The following KIT variants were observed in gnomAD, a reference collection of about 807,000 sequenced individuals.
KIT encodes the protein KIT proto-oncogene, receptor tyrosine kinase.
In KIT, 16 loss-of-function variants were observed where a neutral mutation model predicts 105.7. The observed-to-expected ratio is 0.15, with a 90% CI of 0.10 to 0.23. The LOEUF is 0.23. Ranked by LOEUF, KIT falls within the 10% of genes least tolerant of loss-of-function variation. The pLI is 1.00. For missense variants in KIT, 858 were observed against 1,213.8 expected (o/e 0.71, Z 4.36); for synonymous variants, 438 against 441.1 (o/e 0.99, Z 0.09).
chr4:54,728,171 A>C (rs1466070878), intron 13 of KIT, 50 bp downstream of exon 13: 3 of 1,316,960 alleles, frequency 2.3e-6, no homozygotes, highest in Non-Finnish European at 3.3e-6. Context: ...TTATCAAAAC[A>C]TGACATTTTA....
In KIT at chr4:54,698,580, T is replaced by C; in HGVS notation, c.619+15T>C. 6.2e-7 allele frequency: 1 copy of C among 1,613,782 alleles called. No individual in the cohort carries two copies. ...AGTGAGGCCAGGTACTGGCTCTTTC[T>C]TATCTGCCTCTGGGAGTTGAGAACT... is the stretch of plus-strand genomic sequence containing the variant. On this transcript the variant is annotated intron_variant, in intron 3 of 20. Transcript: ENST00000288135.
chr4:54,727,382 A>G, intron 10 of KIT, 34 bp from the exon 11 acceptor site: 1 of 1,614,070 alleles, frequency 6.2e-7, no homozygotes, highest in Non-Finnish European at 8.5e-7. Context: ...AATAATTATT[A>G]AAAGGTGATC....
chr4:54,677,952 G>A (rs1333535630), intron 1 of KIT, among the ~76,000 whole-genome samples: 1 of 152,188 alleles, frequency 6.6e-6, no homozygotes, highest in Non-Finnish European at 1.5e-5. Context: ...TGGGAATGTT[G>A]CTTTTGATAG....
At chr4:54,684,632 C>T (rs181769568) in intron 1 of KIT, among the ~76,000 whole-genome samples, 5 of 152,266 alleles carry the variant, frequency 3.3e-5, no homozygotes, top group Admixed American at 3.3e-4. Context: ...GAGGGTCCTC[C>T]CTCCACCTCC....
rs4864921 is a variant in KIT at position 54,732,993 on chromosome 4, G to A, written c.2362-77G>A. On this transcript the variant is annotated intron_variant, in intron 16 of 20. Transcript: ENST00000288135. ...TTTTTATAATATAAGCAACACTATA[G>A]TATTAAAAAGTTAGTTTTCACTCTT... is the stretch of plus-strand genomic sequence containing the variant. 277,209 of 1,197,108 alleles carry A rather than the reference G, an allele frequency of 0.23. 37,645 individuals carry two copies. The highest frequency in any genetic ancestry group is 0.58 in the African/African-American group (38,203 of 66,120). The allele number at this position is 1,197,108 out of a possible 1,614,324, so 74.2% of individuals were successfully genotyped here.
In KIT at chr4:54,698,286, C is replaced by A. The variant is rs772836939; in HGVS notation, c.340C>A (p.Pro114Thr). ...SNSIYVFVRD[P>T]AKLFLVDRSL... is the part of the protein sequence containing the mutation. ...TGATTTTGGATATGCTTCTATAGAT[C>A]CTGCCAAGCTTTTCCTTGTTGACCG... is the stretch of plus-strand genomic sequence containing the variant. The change falls in exon 3 of 21, where the codon CCT (proline) becomes ACT (threonine). Residue 114 changes from proline (P) to threonine (T), a missense_variant and splice_region_variant. Physicochemically the swap from Pro to Thr is conservative, Grantham distance 38. Transcript: ENST00000288135. 1.9e-6 allele frequency: 3 copies of A among 1,613,590 alleles called. No homozygotes were observed. Among genetic ancestry groups the A allele is most frequent in the Non-Finnish European group, 2.5e-6 (3 of 1,179,776 alleles).
chr4:54,713,115 A>T (rs1444583335), intron 7 of KIT, among the ~76,000 whole-genome samples: 2 of 151,922 alleles, frequency 1.3e-5, no homozygotes, highest in Non-Finnish European at 2.9e-5. Context: ...TAGTATTTTT[A>T]AAAATTTTAT....
intron 13 of KIT, 141 bp downstream of exon 13, chr4:54,728,262 G>A: frequency 1.4e-6 from 1 of 725,716 alleles, no homozygotes; most frequent in Non-Finnish European, 2.5e-6. Flanking sequence ...GCTAGATTTT[G>A]TTTTCCTCAT....
chr4:54,671,509 A>G (rs1462994942), intron 1 of KIT, among the ~76,000 whole-genome samples: 1 of 152,190 alleles, frequency 6.6e-6, no homozygotes, highest in Non-Finnish European at 1.5e-5. Flanking sequence ...TGCTTAACTA[A>G]TTATGAACTC....
chr4:54,683,066 G>A (rs908844176), intron 1 of KIT, among the ~76,000 whole-genome samples: 2 of 142,840 alleles, frequency 1.4e-5, no homozygotes, highest in East Asian at 2.0e-4. Context: ...TTAACCTTCC[G>A]ATGGGGCCTA....
rs1034289851 is a variant in KIT, at chr4:54,690,055, T to G, written c.68-5457T>G. Among the ~76,000 whole-genome samples, 7 of 112,214 alleles carry G rather than the reference T, an allele frequency of 6.2e-5. No individual in the cohort carries two copies. The East Asian group carries it at 7.4e-4, about 12-fold the overall frequency. 73.6% of individuals were successfully genotyped at this position (112,214 alleles called of 152,430 possible). On this transcript the variant is annotated intron_variant, in intron 1 of 20. Transcript: ENST00000288135. ...GCATGTATAGAATGTTACTTTTTTTTTGTGGGGGGGGGGGGCTGTGTAATG... is the reference window on the plus strand; with the variant it reads ...GCATGTATAGAATGTTACTTTTTTTGTGTGGGGGGGGGGGGCTGTGTAATG...
At position 54,700,322 on chromosome 4, in the gene KIT, T is replaced by G. The variant is rs541544214; in HGVS notation, c.756+556T>G. Among the ~76,000 whole-genome samples the G allele has an allele frequency of 8.5e-5, 13 of 152,330 alleles. No individual in the cohort carries two copies. The South Asian group carries it at 2.7e-3, about 32-fold the overall frequency. On this transcript the variant is annotated intron_variant, in intron 4 of 20. Coordinates refer to ENST00000288135, the MANE Select transcript of KIT (RefSeq NM_000222.3). ...AAGTTGCTAATGGTTTTCTATTTGT[T>G]TTAGTCACTATTAATAAAACTGTTA...
At chr4:54,664,903 T>TA (rs1427860702) in intron 1 of KIT, among the ~76,000 whole-genome samples, 1 of 149,184 alleles carries the variant, frequency 6.7e-6, no homozygotes. Context: ...TTTTTTTTTT[T>TA]AATAGTAAAA....
chr4:54,681,291 C>T (rs1207684595), intron 1 of KIT, among the ~76,000 whole-genome samples: 2 of 111,470 alleles, frequency 1.8e-5, no homozygotes, highest in African/African-American at 3.4e-5. Context: ...GTGGGGGGTG[C>T]GGGGAAACGG....
chr4:54,714,522 T>C (rs200459045), intron 7 of KIT, among the ~76,000 whole-genome samples: 1 of 152,202 alleles, frequency 6.6e-6, no homozygotes, highest in East Asian at 1.9e-4. Context: ...GTAAATATTT[T>C]GTAGGTTTAT....
At chr4:54,674,518 A>G (rs1452401247) in intron 1 of KIT, among the ~76,000 whole-genome samples, 5 of 152,152 alleles carry the variant, frequency 3.3e-5, no homozygotes, top group Non-Finnish European at 5.9e-5. Flanking sequence ...GGGAGAGTCA[A>G]TAATTATGCT....
At chr4:54,667,926 G>A (rs1263147177) in intron 1 of KIT, among the ~76,000 whole-genome samples, 1 of 152,090 alleles carries the variant, frequency 6.6e-6, no homozygotes, top group South Asian at 2.1e-4. Context: ...TCTCCCTACC[G>A]ACCTTCCCCA....
At chr4:54,673,101 A>G (rs1213265816) in intron 1 of KIT, among the ~76,000 whole-genome samples, 1 of 152,162 alleles carries the variant, frequency 6.6e-6, no homozygotes, top group Non-Finnish European at 1.5e-5. Context: ...TTTAAAGCCC[A>G]CTAGTTAGTT....
At chr4:54,724,742 G>A (rs536784999) in intron 8 of KIT, among the ~76,000 whole-genome samples, 78 of 151,546 alleles carry the variant, frequency 5.1e-4, no homozygotes, top group Admixed American at 1.8e-3. Flanking sequence ...TAACACTAAC[G>A]ATAGCTGATG....
Sources: allele counts gnomAD v4.1 joint callset (sites outside exome capture counted in the v4.1 genomes callset), GRCh38; gene constraint gnomAD v4.1.1; transcripts MANE v1.5; gene names NCBI Gene and HGNC (gene_info 2026-07-23, HGNC 2026-07-21).